SIRPA: variants seen among roughly 807,000 people sequenced by gnomAD.
SIRPA encodes the protein signal regulatory protein alpha.
In SIRPA, 9 loss-of-function variants were observed where a neutral mutation model predicts 50.3. The ratio of observed to expected loss-of-function variants is 0.18; its 90% CI spans 0.11 to 0.31. SIRPA has a LOEUF of 0.31. Among genes scored for constraint, SIRPA ranks in the 10% least tolerant of loss-of-function variants. The pLI is 1.00. For missense variants in SIRPA, 474 were observed against 661.6 expected (o/e 0.72, Z 3.11); for synonymous variants, 265 against 284.1 (o/e 0.93, Z 0.68).
chr20:1,928,636 T>TG lies in SIRPA; in HGVS notation c.1226+743dup, dbSNP rs1490268951. ...CCTGCAAGGAGATGGAGGTGAATGG[T>TG]GGGGGGCTGTCTTAGGCAGAGGAAG... On this transcript the variant is annotated intron_variant, in intron 6 of 7. Coordinates refer to ENST00000358771, the MANE Select transcript of SIRPA (RefSeq NM_001040023.2). This position sits in a 1 kb window ranked among gnomAD's most constrained non-coding sequence, Gnocchi z 4.9. Among the ~76,000 whole-genome samples, 2 of 151,830 alleles carry TG rather than the reference T, an allele frequency of 1.3e-5. No homozygotes were observed. The highest frequency in any genetic ancestry group is 2.4e-5 in the African/African-American group (1 of 41,316).
chr20:1,902,542 A>G (rs760466089), intron 1 of SIRPA, among the ~76,000 whole-genome samples: 9 of 152,236 alleles, frequency 5.9e-5, no homozygotes, highest in Non-Finnish European at 1.2e-4. Flanking sequence ...ACAAATGTGA[A>G]CAAGACAGAC....
chr20:1,929,417 C>T (rs1188828103), intron 6 of SIRPA, among the ~76,000 whole-genome samples: 1 of 152,062 alleles, frequency 6.6e-6, no homozygotes, highest in Non-Finnish European at 1.5e-5. Context: ...TTAAGGACCA[C>T]CTCAAGGTTG....
chr20:1,895,853 T>G (rs1330834565), intron 1 of SIRPA, among the ~76,000 whole-genome samples: 1 of 152,132 alleles, frequency 6.6e-6, no homozygotes, highest in African/African-American at 2.4e-5. Context: ...TGACTGACAG[T>G]GGCTTTCAGA....
chr20:1,900,689 A>G (rs1445984687), intron 1 of SIRPA, among the ~76,000 whole-genome samples: 3 of 152,262 alleles, frequency 2.0e-5, no homozygotes, highest in East Asian at 1.9e-4. Context: ...TGGAACGCCA[A>G]GCCTCCTGTG....
In SIRPA at chr20:1,898,508, G is replaced by T. The variant is rs1023252468; in HGVS notation, c.79+2982G>T. Among the ~76,000 whole-genome samples the T allele has an allele frequency of 3.9e-5, 6 of 152,046 alleles. No homozygotes were observed. The highest frequency in any genetic ancestry group is 1.4e-4 in the African/African-American group (6 of 41,390). ...CCAGGCCGGATGCTGCTCCTGCGTCGTCTCACCCGCAAGACATGGATTGGC... is the reference window on the plus strand; with the variant it reads ...CCAGGCCGGATGCTGCTCCTGCGTCTTCTCACCCGCAAGACATGGATTGGC... On this transcript the variant is annotated intron_variant, in intron 1 of 7. Transcript: ENST00000358771. The surrounding 1 kb of genome is among the most constrained non-coding windows in gnomAD (Gnocchi z 4.3).
chr20:1,906,088 G>A (rs1984528175), intron 1 of SIRPA, among the ~76,000 whole-genome samples: 1 of 152,196 alleles, frequency 6.6e-6, no homozygotes, highest in African/African-American at 2.4e-5. Flanking sequence ...TACTTACTCT[G>A]TGCCAGGCAC....
intron 3 of SIRPA, 29 bp downstream of exon 3, chr20:1,921,741 A>G: frequency 6.2e-7 from 1 of 1,613,764 alleles, no homozygotes; most frequent in East Asian, 2.2e-5. Context: ...GCCCAAGCCC[A>G]CACCTGACCG....
chr20:1,917,429 A>G (rs1050430157), intron 2 of SIRPA, among the ~76,000 whole-genome samples: 3 of 152,160 alleles, frequency 2.0e-5, no homozygotes, highest in African/African-American at 7.2e-5. Context: ...TTCTATAGCA[A>G]TAAGCATAGG....
Position 1,934,300 on chromosome 20 carries a change from G to T in SIRPA, c.1227-415G>T, listed in dbSNP as rs1182280261. On this transcript the variant is annotated intron_variant, in intron 6 of 7. Coordinates refer to ENST00000358771, the MANE Select transcript of SIRPA (RefSeq NM_001040023.2). This position sits in a 1 kb window ranked among gnomAD's most constrained non-coding sequence, Gnocchi z 4.6. ...GTGTTGAAAGCTTTTTCTATATTTT[G>T]AATTCCCCCAAAAAAAAGTGCAATT... Among the ~76,000 whole-genome samples, 1 of 152,016 alleles carries T rather than the reference G, an allele frequency of 6.6e-6. No homozygotes were observed. Among genetic ancestry groups the T allele is most frequent in the Non-Finnish European group, 1.5e-5 (1 of 68,006 alleles).
In SIRPA at chr20:1,924,975, GC is replaced by G; in HGVS notation, c.1201+100del. On this transcript the variant is annotated intron_variant, in intron 5 of 7. Transcript: ENST00000358771. The surrounding 1 kb of genome is among the most constrained non-coding windows in gnomAD (Gnocchi z 4.5). ...CTTTGGGTTAAGGACATCAGCTTCT[GC>G]CAGTAGCAAGAAGTCCAGAGGTAGT... The G allele has an allele frequency of 1.1e-6, 1 of 928,896 alleles. No homozygotes were observed. Among genetic ancestry groups the G allele is most frequent in the Non-Finnish European group, 1.7e-6 (1 of 581,104 alleles). 57.5% of individuals were successfully genotyped at this position (928,896 alleles called of 1,614,324 possible).
chr20:1,899,266 C>A (rs369263306), intron 1 of SIRPA, among the ~76,000 whole-genome samples: 6 of 152,096 alleles, frequency 3.9e-5, no homozygotes, highest in East Asian at 1.9e-4. Context: ...CCCTGCCAGG[C>A]CTGATTTCCA....
chr20:1,908,373 CACAT>C (rs1375778467), intron 1 of SIRPA, among the ~76,000 whole-genome samples: 3 of 152,152 alleles, frequency 2.0e-5, no homozygotes, highest in African/African-American at 7.2e-5. Context: ...CCTCTACACA[CACAT>C]ACACACCACA....
chr20:1,895,100 C>G (rs539523071), upstream of SIRPA, among the ~76,000 whole-genome samples: 19 of 151,722 alleles, frequency 1.3e-4, no homozygotes, highest in East Asian at 3.5e-3. Context: ...CGCTCTCCCC[C>G]TCTTTCTCCC....
Position 1,923,945 on chromosome 20 carries a change from G to A in SIRPA, c.1088-819G>A, listed in dbSNP as rs558440268. Among the ~76,000 whole-genome samples the A allele has an allele frequency of 5.3e-5, 8 of 152,146 alleles. No homozygotes were observed. The South Asian group carries it at 1.7e-3, about 32-fold the overall frequency. On this transcript the variant is annotated intron_variant, in intron 4 of 7. Transcript: ENST00000358771. ...AGTAAGCACTCAGTAAATGCTTTTTGAGTGAAAGAGGATAAAAGAGTCAGT... is the reference window on the plus strand; with the variant it reads ...AGTAAGCACTCAGTAAATGCTTTTTAAGTGAAAGAGGATAAAAGAGTCAGT...
At position 1,937,726 on chromosome 20, in the gene SIRPA, T is replaced by C. The variant is rs1986673501; in HGVS notation, c.*158T>C. The C allele has an allele frequency of 3.4e-6, 3 of 889,768 alleles. No individual in the cohort carries two copies. The highest frequency in any genetic ancestry group is 5.0e-6 in the Non-Finnish European group (3 of 599,570). 55.1% of individuals were successfully genotyped at this position (889,768 alleles called of 1,614,324 possible). ...GTGGCTCTTCTCTCCCCACCCCTCC[T>C]TGGCTCTCCAGCACTTCCTGGGCAG... On this transcript the variant is annotated 3_prime_UTR_variant, in exon 8 of 8. Transcript: ENST00000358771. This position sits in a 1 kb window ranked among gnomAD's most constrained non-coding sequence, Gnocchi z 8.3.
Position 1,937,234 on chromosome 20 carries a change from C to G in SIRPA, c.1267-86C>G. The G allele has an allele frequency of 6.7e-7, 1 of 1,494,072 alleles. No individual in the cohort carries two copies. Among genetic ancestry groups the G allele is most frequent in the Non-Finnish European group, 9.1e-7 (1 of 1,097,176 alleles). 92.6% of individuals were successfully genotyped at this position (1,494,072 alleles called of 1,614,324 possible). A position where few individuals can be genotyped will look rare whatever the true frequency, so the allele number is the denominator to read the frequency against. On this transcript the variant is annotated intron_variant, in intron 7 of 7. Transcript: ENST00000358771. This position sits in a 1 kb window ranked among gnomAD's most constrained non-coding sequence, Gnocchi z 8.3. The stretch of plus-strand genomic sequence containing the variant: ...TGGGCCGAGAGGACACAGAAGCATC[C>G]AGACTTGGTATTCAGTTTGAGTGAG...
upstream of SIRPA, chr20:1,894,356 G>C (rs990478026): frequency 6.6e-6 from 1 of 151,900 alleles, no homozygotes; most frequent in South Asian, 2.1e-4. The surrounding 1 kb of genome is among the most constrained non-coding windows in gnomAD (Gnocchi z 4.0). Context: ...GAGGCGAGGG[G>C]AGGTCGGCCG....
intron 6 of SIRPA, among the ~76,000 whole-genome samples, chr20:1,929,885 C>CA (rs1427406259): frequency 1.3e-5 from 2 of 152,164 alleles, no homozygotes; most frequent in Non-Finnish European, 2.9e-5. Flanking sequence ...CAGATGCCCC[C>CA]CTGAGGCTCC....
intron 1 of SIRPA, among the ~76,000 whole-genome samples, chr20:1,910,210 A>G (rs35442150): frequency 0.048 from 7,275 of 152,290 alleles, 257 homozygotes; most frequent in Middle Eastern, 0.092. Context: ...GGCCTGGCAC[A>G]GGGAAGGATC....
Sources: allele counts gnomAD v4.1 joint callset (sites outside exome capture counted in the v4.1 genomes callset), GRCh38; gene constraint gnomAD v4.1.1; non-coding constraint Gnocchi (gnomAD v3.1); transcripts MANE v1.5; gene names NCBI Gene and HGNC (gene_info 2026-07-23, HGNC 2026-07-21).